AOX1: variants seen among roughly 807,000 people sequenced by gnomAD.
AOX1 encodes the protein aldehyde oxidase 1.
A neutral mutation model predicts 169.5 loss-of-function variants in AOX1; 153 were observed. The observed-to-expected ratio is 0.90, with a 90% confidence interval of 0.79 to 1.03. AOX1 has a LOEUF of 1.03. Among genes scored for constraint, AOX1 ranks in the 50% least tolerant of loss-of-function variants. The pLI, the probability that AOX1 is intolerant of heterozygous loss-of-function variation, is 0.00. For missense variants in AOX1, 1,656 were observed against 1,663.9 expected (o/e 1.00, Z 0.08); for synonymous variants, 562 against 581.9 (o/e 0.97, Z 0.49).
intron 24 of AOX1, among the ~76,000 whole-genome samples, 160 bp downstream of exon 24, chr2:200,641,344 G>A (rs997619665): frequency 6.6e-6 from 1 of 152,150 alleles, no homozygotes; most frequent in Non-Finnish European, 1.5e-5. Flanking sequence ...CCCAAAGTGT[G>A]AGCCCAGAGA....
intron 10 of AOX1, among the ~76,000 whole-genome samples, chr2:200,606,189 G>A (rs565374692): frequency 2.6e-5 from 4 of 152,070 alleles, no homozygotes; most frequent in South Asian, 4.2e-4. Context: ...GTCCAATTTC[G>A]TTTTCTGCAT....
intron 25 of AOX1, among the ~76,000 whole-genome samples, chr2:200,648,450 G>A (rs188829065): frequency 7.0e-4 from 107 of 152,288 alleles, no homozygotes; most frequent in Non-Finnish European, 1.4e-3. Context: ...ACCGTCTATG[G>A]GTCTCTCAGC....
At chr2:200,658,476 G>C (rs985115449) in intron 27 of AOX1, among the ~76,000 whole-genome samples, 1 of 152,226 alleles carries the variant, frequency 6.6e-6, no homozygotes, top group East Asian at 1.9e-4. Context: ...TGGATGATCT[G>C]AGAGCCAGAC....
At chr2:200,615,718 C>A (rs1002306627) in intron 15 of AOX1, among the ~76,000 whole-genome samples, 1 of 152,190 alleles carries the variant, frequency 6.6e-6, no homozygotes, top group Non-Finnish European at 1.5e-5. Context: ...AAACATAGAG[C>A]TGGTGGAAGC....
chr2:200,659,037 A>C, intron 27 of AOX1, 128 bp from the exon 28 acceptor site: 1 of 780,476 alleles, frequency 1.3e-6, no homozygotes, highest in Non-Finnish European at 1.9e-6. Flanking sequence ...GGCTGGAGGA[A>C]TTTGTGGTTC....
intron 14 of AOX1, among the ~76,000 whole-genome samples, 157 bp from the exon 15 acceptor site, chr2:200,613,647 C>G (rs533025057): frequency 1.2e-4 from 19 of 152,280 alleles, no homozygotes; most frequent in Admixed American, 1.2e-3. Flanking sequence ...GGCTAGCCAC[C>G]TTGAGAATGG....
At chr2:200,589,258 T>G (rs2034118297) in intron 1 of AOX1, among the ~76,000 whole-genome samples, 1 of 152,140 alleles carries the variant, frequency 6.6e-6, no homozygotes, top group Non-Finnish European at 1.5e-5. Context: ...TTCTGAAATC[T>G]TATTCACTCT....
Position 200,659,161 on chromosome 2 carries a change from TCAGGTGGTCAG to T in AOX1, c.3172-2_3180del. ...TTAAAAGGAAACTCTCTCTTAAAAT[TCAGGTGGTCAG>T]CCGTGAATTAAGAATGCCAATGTCG... On this transcript the variant is annotated splice_acceptor_variant and splice_polypyrimidine_tract_variant and coding_sequence_variant and intron_variant, in exon 28 of 35. Transcript: ENST00000374700. LOFTEE classifies it high-confidence loss of function. The T allele has an allele frequency of 6.2e-7, 1 of 1,613,426 alleles. No homozygotes were observed. The highest frequency in any genetic ancestry group is 8.5e-7 in the Non-Finnish European group (1 of 1,179,660).
intron 30 of AOX1, 109 bp downstream of exon 30, chr2:200,661,740 A>T: frequency 1.3e-6 from 1 of 791,540 alleles, no homozygotes; most frequent in Non-Finnish European, 2.2e-6. Context: ...CCTTCTATTT[A>T]CCCATGGTTA....
In AOX1 at chr2:200,659,984, A is replaced by G; in HGVS notation, c.3301-11A>G. On this transcript the variant is annotated splice_polypyrimidine_tract_variant and intron_variant, in intron 28 of 34. Transcript: ENST00000374700. The stretch of plus-strand genomic sequence containing the variant: ...TTAGGAGCATAATTTTAATTTAAAA[A>G]TAATCTCTAGGATGCCTGTCAAACT... 1 of 1,605,540 alleles carries G rather than the reference A, an allele frequency of 6.2e-7. No individual in the cohort carries two copies.
At chr2:200,625,224 A>T (rs1044706360) in intron 19 of AOX1, among the ~76,000 whole-genome samples, 1 of 152,136 alleles carries the variant, frequency 6.6e-6, no homozygotes, top group African/African-American at 2.4e-5. Flanking sequence ...TACATGTTGC[A>T]TGCTGCTCTT....
At chr2:200,612,841 C>T (rs747473764) in intron 14 of AOX1, 48 bp downstream of exon 14, 1 of 1,511,432 alleles carries the variant, frequency 6.6e-7, no homozygotes, top group African/African-American at 1.4e-5. Flanking sequence ...CCTTAGACTC[C>T]AAGTATTAGA....
intron 18 of AOX1, among the ~76,000 whole-genome samples, chr2:200,622,261 C>G (rs552680090): frequency 1.3e-5 from 2 of 152,334 alleles, no homozygotes; most frequent in African/African-American, 2.4e-5. Context: ...GGACCCATGT[C>G]TGATTCATCT....
At chr2:200,675,672 C>T (rs1391733150), downstream of AOX1, among the ~76,000 whole-genome samples, 1 of 152,032 alleles carries the variant, frequency 6.6e-6, no homozygotes, top group Non-Finnish European at 1.5e-5. Flanking sequence ...AAATTAAAAA[C>T]AATGTAATGT....
At chr2:200,619,481 G>A (rs1282044337) in intron 16 of AOX1, among the ~76,000 whole-genome samples, 2 of 152,160 alleles carry the variant, frequency 1.3e-5, no homozygotes, top group African/African-American at 4.8e-5. Context: ...GGGCTTAGCA[G>A]GCCACTCCTC....
At chr2:200,628,703 T>A (rs2035053070) in intron 20 of AOX1, among the ~76,000 whole-genome samples, 1 of 151,912 alleles carries the variant, frequency 6.6e-6, no homozygotes, top group African/African-American at 2.4e-5. Flanking sequence ...CCGAGGTGAG[T>A]GGATCACTTG....
chr2:200,612,906 TC>T, intron 14 of AOX1, 113 bp downstream of exon 14: 1 of 782,830 alleles, frequency 1.3e-6, no homozygotes, highest in Non-Finnish European at 2.0e-6. Context: ...TCCATACCTT[TC>T]TATTTAATGG....
At chr2:200,627,331 C>G (rs555371071) in intron 19 of AOX1, 22 bp from the exon 20 acceptor site, 1 of 1,576,224 alleles carries the variant, frequency 6.3e-7, no homozygotes, top group African/African-American at 1.3e-5. Context: ...CAAGCTGCCT[C>G]ATTCCTCTGT....
intron 1 of AOX1, among the ~76,000 whole-genome samples, chr2:200,587,981 A>C (rs1478132517): frequency 1.3e-5 from 2 of 152,232 alleles, no homozygotes; most frequent in African/African-American, 2.4e-5. Flanking sequence ...ACAGCAGAGC[A>C]CAGAAATAAC....
Sources: allele counts gnomAD v4.1 joint callset (sites outside exome capture counted in the v4.1 genomes callset), GRCh38; gene constraint gnomAD v4.1.1; transcripts MANE v1.5; gene names NCBI Gene and HGNC (gene_info 2026-07-23, HGNC 2026-07-21).